The following SPC24 variants were observed in gnomAD, a reference collection of about 807,000 sequenced individuals.
SPC24 encodes the protein SPC24 component of NDC80 kinetochore complex, also known as kinetochore protein Spc24.
SPC24 carries 31 observed loss-of-function variants against 27.6 expected under a neutral mutation model. The observed-to-expected ratio is 1.12, with a 90% confidence interval of 0.84 to 1.52. SPC24 has a LOEUF of 1.52. SPC24 is among the 40% of genes most tolerant of loss of function. The pLI is 0.00. For synonymous variants in SPC24, 105 were observed against 105.8 expected (o/e 0.99, Z 0.05); for missense variants, 284 against 252.5 (o/e 1.12, Z -0.84).
rs1489381079 is a variant in SPC24, at chr19:11,149,174, C to G, written c.225G>C (p.Gln75His). The stretch of plus-strand genomic sequence containing the variant: ...CCAGCTGCTGCAGCTCCACGCCTCC[C>G]TGGTGCACCTGCTCCTTCGCATTGA... ...SLLNAKEQVHQGGVELQQLEA... is the reference protein window; with the variant it reads ...SLLNAKEQVHHGGVELQQLEA... The change falls in exon 2 of 5, where the codon CAG (glutamine) becomes CAC (histidine). Residue 75 changes from glutamine (Q) to histidine (H), a missense_variant. Coordinates refer to ENST00000592540, the MANE Select transcript of SPC24 (RefSeq NM_182513.4). 2.6e-6 allele frequency: 4 copies of G among 1,550,184 alleles called. No homozygotes were observed. Among genetic ancestry groups the G allele is most frequent in the African/African-American group, 1.4e-5 (1 of 72,998 alleles).
At chr19:11,147,390 T>A in intron 4 of SPC24, 101 bp from the exon 5 acceptor site, 1 of 780,704 alleles carries the variant, frequency 1.3e-6, no homozygotes, top group Non-Finnish European at 2.0e-6. Flanking sequence ...AGACAAAGTT[T>A]CATTCTGTAG....
intron 4 of SPC24, 191 bp from the exon 5 acceptor site, chr19:11,147,480 C>T (rs912702587): frequency 1.7e-5 from 10 of 576,884 alleles, no homozygotes; most frequent in Non-Finnish European, 2.8e-5. Context: ...CATGCCTCAG[C>T]CTCCTGAGTA....
At chr19:11,148,341 G>A (rs1467927960) in intron 2 of SPC24, among the ~76,000 whole-genome samples, 1 of 151,960 alleles carries the variant, frequency 6.6e-6, no homozygotes, top group African/African-American at 2.4e-5. Context: ...CCGAGTAGCT[G>A]GGATTACAAG....
In SPC24 at chr19:11,146,252, G is replaced by C. The variant is rs2077822106; in HGVS notation, c.*931C>G. The C allele has an allele frequency of 6.6e-6, 1 of 151,464 alleles. No individual in the cohort carries two copies. Among genetic ancestry groups the C allele is most frequent in the Non-Finnish European group, 1.5e-5 (1 of 67,958 alleles). The allele number at this position is 151,464 out of a possible 1,614,324, so 9.4% of individuals were successfully genotyped here. A position where few individuals can be genotyped will look rare whatever the true frequency, so the allele number is the denominator to read the frequency against. On this transcript the variant is annotated 3_prime_UTR_variant, in exon 5 of 5. Coordinates refer to ENST00000592540, the MANE Select transcript of SPC24 (RefSeq NM_182513.4). ...TCTCTCTGGTGCCTAGCAGAGTCTG[G>C]GCACACCGTGGCACTCAAACATACC...
At chr19:11,155,463 G>C (rs1052767026) in intron 1 of SPC24, among the ~76,000 whole-genome samples, 154 bp downstream of exon 1, 3 of 152,218 alleles carry the variant, frequency 2.0e-5, no homozygotes, top group Non-Finnish European at 4.4e-5. Context: ...TTCTCAGATG[G>C]TGAAACTAAG....
Position 11,146,726 on chromosome 19 carries a change from C to CGT in SPC24, c.*456_*457insAC, listed in dbSNP as rs1366117555. 6 of 149,174 alleles carry CGT rather than the reference C, an allele frequency of 4.0e-5. No homozygotes were observed. The highest frequency in any genetic ancestry group is 1.5e-4 in the African/African-American group (6 of 39,922). The allele number at this position is 149,174 out of a possible 1,614,324, so 9.2% of individuals were successfully genotyped here. A position where few individuals can be genotyped will look rare whatever the true frequency, so the allele number is the denominator to read the frequency against. ...GAGCTTGCAGTGAGCTGAGATCGCA[C>CGT]CACTGCACTCCAGCCTGGGCGACAG... is the stretch of plus-strand genomic sequence containing the variant. On this transcript the variant is annotated 3_prime_UTR_variant, in exon 5 of 5. Coordinates refer to ENST00000592540, the MANE Select transcript of SPC24 (RefSeq NM_182513.4).
intron 1 of SPC24, among the ~76,000 whole-genome samples, chr19:11,152,662 G>A (rs1453117836): frequency 6.6e-6 from 1 of 152,116 alleles, no homozygotes; most frequent in Non-Finnish European, 1.5e-5. Flanking sequence ...CCTGGATCCT[G>A]ATTCTCAGTT....
chr19:11,149,112 C>A lies in SPC24; in HGVS notation c.287G>T (p.Arg96Leu). The A allele has an allele frequency of 6.5e-7, 1 of 1,543,164 alleles. No individual in the cohort carries two copies. ...GLQEAGEEDT[R>L]LKASLLQLTR... The stretch of plus-strand genomic sequence containing the variant: ...AGGATATAGGAGGCTGGCCTTCAGA[C>A]GGGTGTCCTCCTCCCCAGCCTCCTG... Residue 96 changes from arginine (R) to leucine (L), a missense_variant, in exon 2 of 5, where the codon CGT (arginine) becomes CTT (leucine). Coordinates refer to ENST00000592540, the MANE Select transcript of SPC24 (RefSeq NM_182513.4).
chr19:11,151,640 T>A (rs1176799405), intron 1 of SPC24, among the ~76,000 whole-genome samples: 1 of 151,362 alleles, frequency 6.6e-6, no homozygotes. Context: ...GATGGAGTCT[T>A]GCCCTGTCAT....
intron 1 of SPC24, among the ~76,000 whole-genome samples, chr19:11,151,761 C>G (rs903135084): frequency 1.3e-5 from 2 of 151,952 alleles, no homozygotes; most frequent in African/African-American, 2.4e-5. Context: ...AGGCACCCAC[C>G]ACCACGCCTG....
chr19:11,148,971 T>G, intron 2 of SPC24, 123 bp downstream of exon 2: 3 of 1,008,240 alleles, frequency 3.0e-6, no homozygotes, highest in Non-Finnish European at 4.1e-6. Flanking sequence ...GGTCTCCAAC[T>G]CCTGGGCTCA....
rs909340463 is a variant in SPC24, at chr19:11,145,501, A to G, written c.*1682T>C. On this transcript the variant is annotated 3_prime_UTR_variant, in exon 5 of 5. Coordinates refer to ENST00000592540, the MANE Select transcript of SPC24 (RefSeq NM_182513.4). ...ATTGGCCGGCCCTGGACTGGAGTAC[A>G]TGTTCAGTTAGGGTTTATTTTGGTA... The G allele has an allele frequency of 1.3e-5, 2 of 152,160 alleles. No homozygotes were observed. The highest frequency in any genetic ancestry group is 1.5e-5 in the Non-Finnish European group (1 of 68,056). 9.4% of individuals were successfully genotyped at this position (152,160 alleles called of 1,614,324 possible). A position where few individuals can be genotyped will look rare whatever the true frequency, so the allele number is the denominator to read the frequency against.
chr19:11,148,271 G>A (rs555660536), intron 2 of SPC24, among the ~76,000 whole-genome samples, 154 bp from the exon 3 acceptor site: 36 of 152,178 alleles, frequency 2.4e-4, no homozygotes, highest in African/African-American at 7.7e-4. Context: ...GCAGTGGCAC[G>A]ACCTCAGCTC....
chr19:11,155,275 G>A (rs1249566391), intron 1 of SPC24, among the ~76,000 whole-genome samples: 1 of 152,160 alleles, frequency 6.6e-6, no homozygotes, highest in African/African-American at 2.4e-5. Flanking sequence ...TCTCACAGCG[G>A]ACATGGGGAT....
In SPC24 at chr19:11,155,569, A is replaced by G. The variant is rs1448915165; in HGVS notation, c.160+48T>C. 4 of 1,514,900 alleles carry G rather than the reference A, an allele frequency of 2.6e-6. No individual in the cohort carries two copies. In the East Asian group the frequency reaches 7.6e-5, roughly 29 times the overall value. The allele number at this position is 1,514,900 out of a possible 1,614,324, so 93.8% of individuals were successfully genotyped here. Reference sequence around the variant, plus strand: ...GTGGGCCTGGTCGCCCCCTCCCAGCACCCGGGCCCCTTCCCCCGTGGGCCC... The same window carrying G: ...GTGGGCCTGGTCGCCCCCTCCCAGCGCCCGGGCCCCTTCCCCCGTGGGCCC... On this transcript the variant is annotated intron_variant, in intron 1 of 4. Transcript: ENST00000592540.
rs907838551 is a variant in SPC24, at chr19:11,151,624, G to A, written c.161-2386C>T. Among the ~76,000 whole-genome samples, 8 of 151,748 alleles carry A rather than the reference G, an allele frequency of 5.3e-5. No individual in the cohort carries two copies. In the East Asian group the frequency reaches 1.5e-3, roughly 29 times the overall value. ...CTGAGGGGATACTTTTTTTTTGGGG[G>A]GGGGGGATGGAGTCTTGCCCTGTCA... On this transcript the variant is annotated intron_variant, in intron 1 of 4. Coordinates refer to ENST00000592540, the MANE Select transcript of SPC24 (RefSeq NM_182513.4).
At chr19:11,154,723 A>G (rs2077898246) in intron 1 of SPC24, among the ~76,000 whole-genome samples, 1 of 152,184 alleles carries the variant, frequency 6.6e-6, no homozygotes, top group African/African-American at 2.4e-5. Context: ...TGAGACAGAA[A>G]GTAGAACCCT....
In SPC24 at chr19:11,147,886, G is replaced by A; in HGVS notation, c.419C>T (p.Ala140Val). 6.5e-7 allele frequency: 1 copy of A among 1,529,002 alleles called. No individual in the cohort carries two copies. Among genetic ancestry groups the A allele is most frequent in the Non-Finnish European group, 8.9e-7 (1 of 1,119,694 alleles). The allele number at this position is 1,529,002 out of a possible 1,614,324, so 94.7% of individuals were successfully genotyped here. A position where few individuals can be genotyped will look rare whatever the true frequency, so the allele number is the denominator to read the frequency against. Residue 140 changes from alanine to valine, a missense_variant, in exon 4 of 5, where the codon GCT becomes GTT. Coordinates refer to ENST00000592540, the MANE Select transcript of SPC24 (RefSeq NM_182513.4). Reference protein sequence around the residue: ...TVTIPSAVYVAQLYHQVSKIE... With the variant: ...TVTIPSAVYVVQLYHQVSKIE... ...TTTACTAACTTGGTGGTAAAGTTGA[G>A]CCACGTACCTGTACAGGAAGACAAA...
intron 1 of SPC24, among the ~76,000 whole-genome samples, chr19:11,149,772 G>A (rs1238788324): frequency 1.3e-5 from 2 of 150,440 alleles, no homozygotes; most frequent in African/African-American, 4.9e-5. Flanking sequence ...GTGCAGTGGC[G>A]CAGTCTTGGC....
Sources: allele counts gnomAD v4.1 joint callset (sites outside exome capture counted in the v4.1 genomes callset), GRCh38; gene constraint gnomAD v4.1.1; transcripts MANE v1.5; gene names NCBI Gene and HGNC (gene_info 2026-07-23, HGNC 2026-07-21).